The following OSBPL6 variants were observed in gnomAD, a reference collection of about 807,000 sequenced individuals.
OSBPL6 encodes oxysterol binding protein like 6.
OSBPL6 carries 49 observed loss-of-function variants against 125.8 expected under a neutral mutation model. That is an observed-to-expected ratio of 0.39 (90% CI 0.31 to 0.49). The LOEUF is 0.49. Among genes scored for constraint, OSBPL6 ranks in the 20% least tolerant of loss-of-function variants. The probability of loss-of-function intolerance (pLI) is 0.88; values close to 1 mark genes in which losing one functional copy is unlikely to be tolerated. For synonymous variants in OSBPL6, 394 were observed against 391.8 expected, an observed-to-expected ratio of 1.01 and a Z score of -0.07; for missense variants, 986 against 1,135.4, an observed-to-expected ratio of 0.87 and a Z score of 1.89.
chr2:178,222,407 G>A (rs948973298), intron 1 of OSBPL6, among the ~76,000 whole-genome samples: 2 of 152,202 alleles, frequency 1.3e-5, no homozygotes. Flanking sequence ...CACTTTGGGA[G>A]GCCCAGGCGG....
chr2:178,390,954 A>G, intron 21 of OSBPL6, 119 bp from the exon 22 acceptor site: 5 of 1,310,718 alleles, frequency 3.8e-6, no homozygotes, highest in Non-Finnish European at 5.3e-6. Context: ...AGATTTCTGT[A>G]TTTCTGAAAA....
chr2:178,316,280 A>G (rs1687729904), intron 3 of OSBPL6, among the ~76,000 whole-genome samples: 1 of 152,206 alleles, frequency 6.6e-6, no homozygotes, highest in South Asian at 2.1e-4. Context: ...AAAAAGTCAT[A>G]CCATGGGACC....
chr2:178,373,977 T>C lies in OSBPL6; in HGVS notation c.1483T>C (p.Phe495Leu). 6.2e-7 allele frequency: 1 copy of C among 1,614,126 alleles called. No individual in the cohort carries two copies. Among genetic ancestry groups the C allele is most frequent in the Non-Finnish European group, 8.5e-7 (1 of 1,179,972 alleles). The change falls in exon 15 of 25, where the codon TTC (phenylalanine) becomes CTC (leucine). Residue 495 changes from phenylalanine (F) to leucine (L), a missense_variant. By Grantham distance (22) the Phe-to-Leu change is conservative. This residue lies in a region of OSBPL6 where 843 missense variants were observed against 997.3 expected (regional missense o/e 0.85). Coordinates refer to ENST00000190611, the MANE Select transcript of OSBPL6 (RefSeq NM_032523.4). ...RLSMSESVSEFFDAQEVLLSA... is the reference protein window; with the variant it reads ...RLSMSESVSELFDAQEVLLSA... ...CTCCATGTCAGAGTCTGTTTCTGAGTTCTTTGATGCCCAAGAGGTGCTCCT... is the reference window on the plus strand; with the variant it reads ...CTCCATGTCAGAGTCTGTTTCTGAGCTCTTTGATGCCCAAGAGGTGCTCCT...
At position 178,336,449 on chromosome 2, in the gene OSBPL6, G is replaced by A. The variant is rs758742501; in HGVS notation, c.790+16G>A. ...TGTGCAGAAGGTTAGTTCTTGCCCAGTGTGGCCTGAGAGTAAGCCAAAACC... is the reference window on the plus strand; with the variant it reads ...TGTGCAGAAGGTTAGTTCTTGCCCAATGTGGCCTGAGAGTAAGCCAAAACC... On this transcript the variant is annotated intron_variant, in intron 9 of 24. Transcript: ENST00000190611. 5.6e-6 allele frequency: 9 copies of A among 1,612,314 alleles called. No homozygotes were observed. The highest frequency in any genetic ancestry group is 5.1e-6 in the Non-Finnish European group (6 of 1,179,310).
At chr2:178,244,865 G>T (rs2091434732) in intron 1 of OSBPL6, among the ~76,000 whole-genome samples, 1 of 152,140 alleles carries the variant, frequency 6.6e-6, no homozygotes, top group South Asian at 2.1e-4. Context: ...TTTGGTAATG[G>T]GAAAAATATT....
At chr2:178,286,004 T>C (rs1196044032) in intron 2 of OSBPL6, among the ~76,000 whole-genome samples, 1 of 152,204 alleles carries the variant, frequency 6.6e-6, no homozygotes, top group East Asian at 1.9e-4. Context: ...CTCAGTAATT[T>C]AGTGTAATCA....
chr2:178,265,191 CTTTTTTTTTTTTTTTTT>C (rs376718500), intron 1 of OSBPL6, among the ~76,000 whole-genome samples: 382 of 33,708 alleles, frequency 0.011, 10 homozygotes, highest in African/African-American at 0.042. Context: ...CCAGACGAGA[CTTTTTTTTTTTTTTTTT>C]TTTTTTTTTT....
intron 13 of OSBPL6, among the ~76,000 whole-genome samples, chr2:178,363,984 G>A (rs189089435): frequency 2.6e-5 from 4 of 152,252 alleles, no homozygotes; most frequent in Admixed American, 6.5e-5. Context: ...CGGCGTAGTC[G>A]CACCCCCACT....
intron 1 of OSBPL6, among the ~76,000 whole-genome samples, chr2:178,282,921 G>A (rs1269387635): frequency 6.6e-6 from 1 of 152,206 alleles, no homozygotes; most frequent in East Asian, 1.9e-4. Flanking sequence ...CCAAAGTGCT[G>A]GGATTACAGG....
chr2:178,359,994 C>T (rs181431348), intron 12 of OSBPL6, among the ~76,000 whole-genome samples: 2 of 151,842 alleles, frequency 1.3e-5, no homozygotes, highest in South Asian at 2.1e-4. Context: ...GGCTGATGCA[C>T]GAGAATTGCT....
chr2:178,377,109 A>G (rs900518464), intron 15 of OSBPL6, among the ~76,000 whole-genome samples: 3 of 152,204 alleles, frequency 2.0e-5, no homozygotes, highest in Non-Finnish European at 4.4e-5. Flanking sequence ...TCACATTGCC[A>G]TAAGGAAATA....
At chr2:178,271,926 C>G (rs2092382985) in intron 1 of OSBPL6, among the ~76,000 whole-genome samples, 1 of 152,198 alleles carries the variant, frequency 6.6e-6, no homozygotes, top group African/African-American at 2.4e-5. Context: ...TTAGTCAAGA[C>G]AGTTCTGTAA....
At position 178,374,142 on chromosome 2, in the gene OSBPL6, T is replaced by C; in HGVS notation, c.1533+115T>C. ...ACTTTCATTTGTTTTTTTGTTTACATCATAGTAAAATGTCCAAATTGCAGC... is the reference window on the plus strand; with the variant it reads ...ACTTTCATTTGTTTTTTTGTTTACACCATAGTAAAATGTCCAAATTGCAGC... On this transcript the variant is annotated intron_variant, in intron 15 of 24. Transcript: ENST00000190611. The C allele has an allele frequency of 2.3e-6, 3 of 1,278,676 alleles. No homozygotes were observed. The East Asian group carries it at 7.0e-5, about 30-fold the overall frequency. 79.2% of individuals were successfully genotyped at this position (1,278,676 alleles called of 1,614,324 possible).
At chr2:178,195,988 T>G (rs906821503) in intron 1 of OSBPL6, among the ~76,000 whole-genome samples, 2 of 152,182 alleles carry the variant, frequency 1.3e-5, no homozygotes, top group Non-Finnish European at 2.9e-5. Context: ...CTTTTCCTTC[T>G]TTCATCCTTC....
chr2:178,274,261 A>G (rs1370117985), intron 1 of OSBPL6, among the ~76,000 whole-genome samples: 1 of 152,096 alleles, frequency 6.6e-6, no homozygotes, highest in African/African-American at 2.4e-5. Flanking sequence ...TTCTCTGGCT[A>G]ACTAACTCAG....
chr2:178,362,819 AG>A (rs2154099154), intron 13 of OSBPL6, among the ~76,000 whole-genome samples: 1 of 152,268 alleles, frequency 6.6e-6, no homozygotes, highest in South Asian at 2.1e-4. Flanking sequence ...CTGTCAGCTG[AG>A]GGGCATATGC....
chr2:178,331,532 G>A lies in OSBPL6; in HGVS notation c.319-20G>A. 1 of 1,613,664 alleles carries A rather than the reference G, an allele frequency of 6.2e-7. No individual in the cohort carries two copies. The highest frequency in any genetic ancestry group is 8.5e-7 in the Non-Finnish European group (1 of 1,179,652). ...TAATTCAAAATACAGACAGTAACTG[G>A]GGGTGTTTGGTTCTTGCAGCGTTTT... is the stretch of plus-strand genomic sequence containing the variant. On this transcript the variant is annotated intron_variant, in intron 5 of 24. Transcript: ENST00000190611.
chr2:178,374,711 A>G (rs1397515802), intron 15 of OSBPL6, among the ~76,000 whole-genome samples: 1 of 152,218 alleles, frequency 6.6e-6, no homozygotes, highest in Non-Finnish European at 1.5e-5. Context: ...GTCATTTGGG[A>G]TTGCAAATCT....
rs55986941 is a variant in OSBPL6, at chr2:178,281,010, CTTT to C, written c.-350-3902_-350-3900del. Among the ~76,000 whole-genome samples, 892 of 131,460 alleles carry C rather than the reference CTTT, an allele frequency of 6.8e-3. 2 individuals are homozygous for C. Among genetic ancestry groups the C allele is most frequent in the African/African-American group, 0.02 (701 of 35,020 alleles). 86.2% of individuals were successfully genotyped at this position (131,460 alleles called of 152,430 possible). ...TTGCTTTTGTTGCAATTGCTTTTGA[CTTT>C]TTTTTTTTTTTTTTCTTTTGAGATG... On this transcript the variant is annotated intron_variant, in intron 1 of 24. Transcript: ENST00000190611.
Sources: allele counts gnomAD v4.1 joint callset (sites outside exome capture counted in the v4.1 genomes callset), GRCh38; gene constraint gnomAD v4.1.1; regional missense constraint gnomAD v4.1.1; transcripts MANE v1.5; gene names NCBI Gene and HGNC (gene_info 2026-07-23, HGNC 2026-07-21).